Variants in DZIP3 observed in about 807,000 individuals in gnomAD.
DZIP3 encodes the protein E3 ubiquitin-protein ligase DZIP3.
A neutral mutation model predicts 162.0 loss-of-function variants in DZIP3; 118 were observed. That is an observed-to-expected ratio of 0.73 (90% CI 0.63 to 0.85). The LOEUF is 0.85. Ranked by LOEUF, DZIP3 falls within the 40% of genes least tolerant of loss-of-function variation. DZIP3 has a pLI of 0.00. For synonymous variants in DZIP3, 438 were observed against 458.6 expected, an observed-to-expected ratio of 0.96 and a Z score of 0.57; for missense variants, 1,331 against 1,407.0, an observed-to-expected ratio of 0.95 and a Z score of 0.86.
At chr3:108,591,430 C>T (rs1461436298) in intron 1 of DZIP3, among the ~76,000 whole-genome samples, 2 of 152,170 alleles carry the variant, frequency 1.3e-5, no homozygotes, top group East Asian at 1.9e-4. Context: ...CAGCATCGTC[C>T]CCATTCAGAG....
At chr3:108,686,326 A>G in intron 27 of DZIP3, 119 bp from the exon 28 acceptor site, 1 of 940,210 alleles carries the variant, frequency 1.1e-6, no homozygotes, top group Non-Finnish European at 1.5e-6. Flanking sequence ...TAAGAGAAAA[A>G]CTGTAAAAAT....
chr3:108,652,289 T>C (rs761733750), intron 18 of DZIP3, among the ~76,000 whole-genome samples: 1 of 151,806 alleles, frequency 6.6e-6, no homozygotes, highest in African/African-American at 2.4e-5. Context: ...TATTTATGTT[T>C]TTCACATTTG....
chr3:108,683,826 A>G (rs1451684363), intron 26 of DZIP3, among the ~76,000 whole-genome samples: 2 of 152,164 alleles, frequency 1.3e-5, no homozygotes, highest in Non-Finnish European at 2.9e-5. Context: ...ACCAACATAG[A>G]TAACACTTCC....
intron 21 of DZIP3, among the ~76,000 whole-genome samples, chr3:108,665,423 A>G (rs1364093163): frequency 6.6e-6 from 1 of 152,164 alleles, no homozygotes; most frequent in Non-Finnish European, 1.5e-5. Context: ...TCTGAAGAAC[A>G]AAGAGAAAAT....
intron 15 of DZIP3, 134 bp downstream of exon 15, chr3:108,646,783 C>A: frequency 1.6e-6 from 1 of 614,780 alleles, no homozygotes; most frequent in Non-Finnish European, 2.7e-6. Flanking sequence ...TGGCTCACGC[C>A]TATAATCCCT....
chr3:108,686,997 T>C (rs1944523300), intron 28 of DZIP3, among the ~76,000 whole-genome samples: 1 of 152,132 alleles, frequency 6.6e-6, no homozygotes, highest in Admixed American at 6.5e-5. Context: ...TGAGGGTCCT[T>C]ATAGTTTCTT....
intron 13 of DZIP3, among the ~76,000 whole-genome samples, chr3:108,643,730 T>G (rs1942498814): frequency 6.6e-6 from 1 of 151,990 alleles, no homozygotes; most frequent in South Asian, 2.1e-4. Flanking sequence ...AGTGCAAATA[T>G]AAAACATTTT....
intron 1 of DZIP3, among the ~76,000 whole-genome samples, chr3:108,598,211 G>A (rs1050908619): frequency 4.9e-4 from 74 of 152,256 alleles, no homozygotes; most frequent in African/African-American, 1.7e-3. Context: ...GTTACTAGAA[G>A]TAATGGGACA....
chr3:108,591,166 G>T (rs1939390946), intron 1 of DZIP3, among the ~76,000 whole-genome samples: 1 of 152,198 alleles, frequency 6.6e-6, no homozygotes, highest in Non-Finnish European at 1.5e-5. Flanking sequence ...AGAGGAAATG[G>T]CAAAGAAAGA....
At chr3:108,592,061 AG>A (rs1939453340) in intron 1 of DZIP3, among the ~76,000 whole-genome samples, 1 of 152,016 alleles carries the variant, frequency 6.6e-6, no homozygotes, top group Non-Finnish European at 1.5e-5. Flanking sequence ...TCCATCTTGA[AG>A]TCCGTGGCAA....
At chr3:108,604,456 C>G (rs764881304) in intron 1 of DZIP3, among the ~76,000 whole-genome samples, 15 of 152,156 alleles carry the variant, frequency 9.9e-5, no homozygotes, top group Non-Finnish European at 1.6e-4. Context: ...CTTGAACTTT[C>G]AGTAAGAAGA....
intron 4 of DZIP3, among the ~76,000 whole-genome samples, chr3:108,616,030 C>T (rs1186904474): frequency 6.6e-6 from 1 of 152,110 alleles, no homozygotes; most frequent in Non-Finnish European, 1.5e-5. Context: ...TTTAGGAGGC[C>T]AAGGCAGGCG....
At position 108,684,351 on chromosome 3, in the gene DZIP3, T is replaced by C. The variant is rs12635729; in HGVS notation, c.3009+10T>C. 197,001 of 1,604,744 alleles carry C rather than the reference T, an allele frequency of 0.12. 16,519 individuals are homozygous for C. Among genetic ancestry groups the C allele is most frequent in the East Asian group, 0.53 (23,866 of 44,664 alleles). ...ACCTAGAGCCCCCCTGGTAAAAGCT[T>C]TCTTGGTGGAATAGATGTTAATTAG... On this transcript the variant is annotated intron_variant, in intron 27 of 32. Coordinates refer to ENST00000361582, the MANE Select transcript of DZIP3 (RefSeq NM_014648.4).
chr3:108,639,488 A>G (rs1942294329), intron 12 of DZIP3, among the ~76,000 whole-genome samples: 1 of 152,192 alleles, frequency 6.6e-6, no homozygotes, highest in Admixed American at 6.5e-5. Context: ...TATGTGGTTC[A>G]GTGTTCAGTC....
chr3:108,591,257 A>G (rs1390673941), intron 1 of DZIP3, among the ~76,000 whole-genome samples: 2 of 152,236 alleles, frequency 1.3e-5, no homozygotes, highest in Non-Finnish European at 2.9e-5. Flanking sequence ...AGGAGTAGAG[A>G]TGAGGTCCTA....
chr3:108,672,751 A>G, intron 23 of DZIP3, 95 bp downstream of exon 23: 1 of 977,938 alleles, frequency 1.0e-6, no homozygotes, highest in Non-Finnish European at 1.5e-6. Flanking sequence ...TGTTTTTTGT[A>G]TAAACAGAAA....
At chr3:108,631,550 A>T (rs2966561) in intron 8 of DZIP3, among the ~76,000 whole-genome samples, 48,084 of 144,166 alleles carry the variant, frequency 0.33, 8,318 homozygotes, top group Middle Eastern at 0.38. Context: ...CTAATTTTTT[A>T]AAAAAAATTA....
chr3:108,681,812 C>T lies in DZIP3; in HGVS notation c.2884-2404C>T, dbSNP rs192291933. Among the ~76,000 whole-genome samples the T allele has an allele frequency of 2.7e-4, 40 of 146,912 alleles. 5 individuals are homozygous for T. Among genetic ancestry groups the T allele is most frequent in the Middle Eastern group, 3.4e-3 (1 of 290 alleles). On this transcript the variant is annotated intron_variant, in intron 26 of 32. Transcript: ENST00000361582. ...GGATGAAGTTAGAAGTCACCACTCT[C>T]AGCAAACTAACACAGGAATAGAAAA...
intron 12 of DZIP3, among the ~76,000 whole-genome samples, chr3:108,640,686 C>T (rs1206348162): frequency 1.3e-5 from 2 of 152,078 alleles, no homozygotes; most frequent in Non-Finnish European, 2.9e-5. Context: ...CCTCGTGATC[C>T]ACCCTCTTCG....
Sources: allele counts gnomAD v4.1 joint callset (sites outside exome capture counted in the v4.1 genomes callset), GRCh38; gene constraint gnomAD v4.1.1; transcripts MANE v1.5; gene names NCBI Gene and HGNC (gene_info 2026-07-23, HGNC 2026-07-21).